The following ATP2B2 variants were observed in gnomAD, a reference collection of about 807,000 sequenced individuals.
The protein encoded by ATP2B2 is ATPase plasma membrane Ca2+ transporting 2, also known as plasma membrane calcium-transporting ATPase 2.
A neutral mutation model predicts 120.0 loss-of-function variants in ATP2B2; 15 were observed. The ratio of observed to expected loss-of-function variants is 0.12; its 90% CI spans 0.08 to 0.19. ATP2B2 has a LOEUF of 0.19. Among genes scored for constraint, ATP2B2 ranks in the 10% least tolerant of loss-of-function variants. The pLI, the probability that ATP2B2 is intolerant of heterozygous loss-of-function variation, is 1.00. For synonymous variants in ATP2B2, 694 were observed against 700.3 expected, an observed-to-expected ratio of 0.99 and a Z score of 0.14; for missense variants, 1,045 against 1,719.8, an observed-to-expected ratio of 0.61 and a Z score of 6.94.
chr3:10,388,463 G>A (rs769316017), intron 5 of ATP2B2, 61 bp from the exon 6 acceptor site: 28 of 1,612,726 alleles, frequency 1.7e-5, no homozygotes, highest in Non-Finnish European at 2.4e-5. Context: ...CCCCAAAGGA[G>A]TGAAAAAATG....
At chr3:10,575,480 A>T (rs997193773) in intron 2 of ATP2B2, among the ~76,000 whole-genome samples, 9 of 152,324 alleles carry the variant, frequency 5.9e-5, no homozygotes, top group Admixed American at 5.9e-4. Flanking sequence ...GTTGGGGAAG[A>T]TGAAGAATTT....
chr3:10,580,671 T>C (rs1315788638), intron 2 of ATP2B2, among the ~76,000 whole-genome samples: 1 of 152,200 alleles, frequency 6.6e-6, no homozygotes, highest in Non-Finnish European at 1.5e-5. Context: ...CGCCTTGTTC[T>C]TCTTCACAGA....
intron 1 of ATP2B2, among the ~76,000 whole-genome samples, chr3:10,470,948 G>A (rs2064961351): frequency 6.6e-6 from 1 of 152,206 alleles, no homozygotes; most frequent in African/African-American, 2.4e-5. Flanking sequence ...CAGCACGGGG[G>A]ACAACAGGCC....
At chr3:10,401,995 C>T (rs757794536) in intron 4 of ATP2B2, 96 bp downstream of exon 4, 1 of 1,577,972 alleles carries the variant, frequency 6.3e-7, no homozygotes, top group Non-Finnish European at 8.6e-7. Context: ...AGGAATGCAT[C>T]CCCTTCCTTG....
At chr3:10,707,474 G>A (rs1270983882) in intron 1 of ATP2B2, among the ~76,000 whole-genome samples, 1 of 152,202 alleles carries the variant, frequency 6.6e-6, no homozygotes, top group East Asian at 1.9e-4. Context: ...CGAGCCTGCA[G>A]GAACTAGAGC....
Position 10,685,621 on chromosome 3 carries a change from G to A in ATP2B2, c.-460+22294C>T, listed in dbSNP as rs2071501208. ...CTTCTATCCAGCCCACTGTCCACTGGCCAAGCAATGTGCCATGTGGCTGCT... is the reference window on the plus strand; with the variant it reads ...CTTCTATCCAGCCCACTGTCCACTGACCAAGCAATGTGCCATGTGGCTGCT... On this transcript the variant is annotated intron_variant, in intron 1 of 21. Coordinates refer to the ATP2B2 transcript ENST00000646379. 3.3e-5 allele frequency among the ~76,000 whole-genome samples: 5 copies of A among 152,178 alleles called. No homozygotes were observed. In the South Asian group the frequency reaches 1.0e-3, roughly 32 times the overall value.
rs180989450 is a variant in ATP2B2 at position 10,327,561 on chromosome 3, A to C, written c.*1253T>G. On this transcript the variant is annotated 3_prime_UTR_variant, in exon 23 of 23. Transcript: ENST00000360273. Reference sequence around the variant, plus strand: ...AAATAAAAAAAAAAATCAACACAATACCATTTATAATATTTCAACACTACC... The same window carrying C: ...AAATAAAAAAAAAAATCAACACAATCCCATTTATAATATTTCAACACTACC... 1.3e-5 allele frequency: 2 copies of C among 152,670 alleles called. No individual in the cohort carries two copies. The highest frequency in any genetic ancestry group is 4.8e-5 in the African/African-American group (2 of 41,464). 9.5% of individuals were successfully genotyped at this position (152,670 alleles called of 1,614,324 possible).
chr3:10,614,598 A>T (rs1391755814), intron 2 of ATP2B2, among the ~76,000 whole-genome samples: 2 of 152,174 alleles, frequency 1.3e-5, no homozygotes, highest in African/African-American at 4.8e-5. Flanking sequence ...TTTCTCCCGC[A>T]TCGTAGTTGG....
intron 1 of ATP2B2, among the ~76,000 whole-genome samples, chr3:10,655,676 C>T (rs1267516953): frequency 6.6e-6 from 1 of 152,194 alleles, no homozygotes; most frequent in Admixed American, 6.5e-5. Flanking sequence ...CGTGGAGTCA[C>T]CTGCCTACAC....
intron 1 of ATP2B2, among the ~76,000 whole-genome samples, chr3:10,466,426 T>C (rs2064743956): frequency 6.6e-6 from 1 of 152,010 alleles, no homozygotes; most frequent in Non-Finnish European, 1.5e-5. Flanking sequence ...GCATGTGCAT[T>C]TCGGAAATAA....
In ATP2B2 at chr3:10,345,441, C is replaced by T. The variant is rs1420611633; in HGVS notation, c.2646G>A (p.Gln882=). ...TCACGGCCACCACGTTGACGGTGAG[C>T]TGGAACTGCAAGAATTTGGAGATGC... is the stretch of plus-strand genomic sequence containing the variant. The part of the protein sequence containing the change: ...YDSISKFLQF[Q]LTVNVVAVIV... Residue 882 remains glutamine, a synonymous_variant, in exon 18 of 23, where the codon CAG becomes CAA. Coordinates refer to ENST00000360273, the MANE Select transcript of ATP2B2 (RefSeq NM_001001331.4). 5 of 1,614,196 alleles carry T rather than the reference C, an allele frequency of 3.1e-6. No homozygotes were observed. The highest frequency in any genetic ancestry group is 4.2e-6 in the Non-Finnish European group (5 of 1,180,026).
At chr3:10,613,980 C>G (rs536777520) in intron 2 of ATP2B2, among the ~76,000 whole-genome samples, 15 of 152,154 alleles carry the variant, frequency 9.9e-5, no homozygotes, top group African/African-American at 3.4e-4. Context: ...TGTCCCTTTC[C>G]CTGGAATGTT....
chr3:10,621,357 T>C (rs1373834572), intron 1 of ATP2B2, among the ~76,000 whole-genome samples: 2 of 152,166 alleles, frequency 1.3e-5, no homozygotes, highest in African/African-American at 4.8e-5. Context: ...GGGGCCAGCT[T>C]GGGAGCCCCA....
At chr3:10,349,481 A>T (rs189686433) in intron 16 of ATP2B2, among the ~76,000 whole-genome samples, 1 of 152,082 alleles carries the variant, frequency 6.6e-6, no homozygotes, top group Non-Finnish European at 1.5e-5. Context: ...AAATAAAAAT[A>T]AAAAGTGCCC....
intron 2 of ATP2B2, among the ~76,000 whole-genome samples, chr3:10,587,505 GAGTAGCTGGGATTAC>G (rs1056452759): frequency 6.6e-6 from 1 of 152,026 alleles, no homozygotes; most frequent in African/African-American, 2.4e-5. Context: ...TCAGCCTCCT[GAGTAGCTGGGATTAC>G]AGGTGCATGC....
chr3:10,478,932 C>A (rs925209196), intron 1 of ATP2B2, among the ~76,000 whole-genome samples: 1 of 152,128 alleles, frequency 6.6e-6, no homozygotes, highest in African/African-American at 2.4e-5. Context: ...TGAGTTCTCA[C>A]AAGATCTCAT....
intron 3 of ATP2B2, among the ~76,000 whole-genome samples, chr3:10,531,529 T>A (rs1324225963): frequency 6.6e-6 from 1 of 152,206 alleles, no homozygotes; most frequent in Non-Finnish European, 1.5e-5. Context: ...TGATTAAAAA[T>A]TTTAAAGCAT....
Position 10,327,177 on chromosome 3 carries a change from A to T in ATP2B2, c.*1637T>A, listed in dbSNP as rs1204549187. 9.1e-6 allele frequency: 2 copies of T among 219,356 alleles called. No homozygotes were observed. The highest frequency in any genetic ancestry group is 1.8e-5 in the Non-Finnish European group (2 of 112,810). 13.6% of individuals were successfully genotyped at this position (219,356 alleles called of 1,614,324 possible). A position where few individuals can be genotyped will look rare whatever the true frequency, so the allele number is the denominator to read the frequency against. ...TTAGCAGTTAAGAGGCTGACATCCA[A>T]TTAAATAAGCTCTTATTAAGTGGGA... On this transcript the variant is annotated 3_prime_UTR_variant, in exon 23 of 23. Transcript: ENST00000360273.
At chr3:10,544,018 C>A (rs564347096) in intron 2 of ATP2B2, among the ~76,000 whole-genome samples, 2 of 152,106 alleles carry the variant, frequency 1.3e-5, no homozygotes, top group South Asian at 4.1e-4. Context: ...GGATTATAGG[C>A]GTAAGCCACC....
Sources: allele counts gnomAD v4.1 joint callset (sites outside exome capture counted in the v4.1 genomes callset), GRCh38; gene constraint gnomAD v4.1.1; transcripts MANE v1.5; gene names NCBI Gene and HGNC (gene_info 2026-07-23, HGNC 2026-07-21).